CNTNAP5: variants seen among roughly 807,000 people sequenced by gnomAD.
CNTNAP5 encodes contactin-associated protein-like 5.
A neutral mutation model predicts 150.2 loss-of-function variants in CNTNAP5; 72 were observed. The observed-to-expected ratio is 0.48, with a 90% CI of 0.40 to 0.58. The LOEUF is 0.58. Ranked by LOEUF, CNTNAP5 falls within the 20% of genes least tolerant of loss-of-function variation. CNTNAP5 has a pLI of 0.00. For synonymous variants in CNTNAP5, 672 were observed against 619.8 expected, an observed-to-expected ratio of 1.08 and a Z score of -1.25; for missense variants, 1,636 against 1,626.2, an observed-to-expected ratio of 1.01 and a Z score of -0.10.
At chr2:124,163,471 AT>A (rs1300252841) in intron 1 of CNTNAP5, among the ~76,000 whole-genome samples, 23 of 152,282 alleles carry the variant, frequency 1.5e-4, no homozygotes, top group African/African-American at 5.3e-4. Context: ...GGAGTCAGGC[AT>A]GGGGGTGTGA....
chr2:124,572,036 A>G (rs1573467725), intron 11 of CNTNAP5, among the ~76,000 whole-genome samples: 1 of 152,200 alleles, frequency 6.6e-6, no homozygotes, highest in Non-Finnish European at 1.5e-5. Flanking sequence ...TGCTGATCCA[A>G]GAGAATTTGT....
chr2:124,783,288 A>G (rs1681492591), intron 17 of CNTNAP5, among the ~76,000 whole-genome samples: 1 of 152,170 alleles, frequency 6.6e-6, no homozygotes, highest in African/African-American at 2.4e-5. Context: ...AACAGCCTCA[A>G]TCATTGAAAT....
chr2:124,460,181 A>G (rs532043218), intron 6 of CNTNAP5, among the ~76,000 whole-genome samples: 1 of 152,358 alleles, frequency 6.6e-6, no homozygotes, highest in South Asian at 2.1e-4. Context: ...TAAACATTAA[A>G]GCACATATAG....
intron 1 of CNTNAP5, among the ~76,000 whole-genome samples, chr2:124,215,200 C>T (rs1218174751): frequency 6.6e-6 from 1 of 152,074 alleles, no homozygotes; most frequent in East Asian, 1.9e-4. Flanking sequence ...TTTTATCTCA[C>T]CTCTAAATAC....
At chr2:124,031,182 G>A (rs754902971) in intron 1 of CNTNAP5, among the ~76,000 whole-genome samples, 1 of 151,622 alleles carries the variant, frequency 6.6e-6, no homozygotes, top group Non-Finnish European at 1.5e-5. Flanking sequence ...TTTTTCTCAG[G>A]CATATCAAGT....
intron 10 of CNTNAP5, among the ~76,000 whole-genome samples, chr2:124,550,301 G>A (rs1433310874): frequency 6.6e-6 from 1 of 152,252 alleles, no homozygotes; most frequent in African/African-American, 2.4e-5. Flanking sequence ...CTACTGAAGT[G>A]CAGAACTTTG....
Position 124,766,824 on chromosome 2 carries a change from G to A in CNTNAP5, c.2533+2677G>A, listed in dbSNP as rs144746327. On this transcript the variant is annotated intron_variant, in intron 16 of 23. Transcript: ENST00000682447. ...AATGTCCAGTTTGTTTGCACTTTGT[G>A]GTACTGTATTTTAGAATTACATTTG... Among the ~76,000 whole-genome samples, 4 of 152,174 alleles carry A rather than the reference G, an allele frequency of 2.6e-5. No homozygotes were observed. The East Asian group carries it at 7.7e-4, about 29-fold the overall frequency.
chr2:124,279,663 C>T (rs1687966243), intron 3 of CNTNAP5, among the ~76,000 whole-genome samples: 1 of 152,128 alleles, frequency 6.6e-6, no homozygotes, highest in Admixed American at 6.6e-5. Flanking sequence ...GGGAATGATG[C>T]ATATTGACTC....
Position 124,557,528 on chromosome 2 carries a change from A to G in CNTNAP5, c.1650-5689A>G, listed in dbSNP as rs140294606. Among the ~76,000 whole-genome samples the G allele has an allele frequency of 2.5e-3, 381 of 152,314 alleles. 1 individual carries two copies. Among genetic ancestry groups the G allele is most frequent in the Non-Finnish European group, 4.6e-3 (311 of 68,036 alleles). On this transcript the variant is annotated intron_variant, in intron 10 of 23. Transcript: ENST00000682447. ...TCACTCAATCTACAACAATTTATAG[A>G]GTGCCTACCTTGCTTCCTACTTTGG...
chr2:124,777,896 G>A (rs1681361653), intron 17 of CNTNAP5, among the ~76,000 whole-genome samples: 1 of 151,726 alleles, frequency 6.6e-6, no homozygotes, highest in Non-Finnish European at 1.5e-5. Context: ...CAGAAAGAGA[G>A]GACCCGGGCT....
intron 13 of CNTNAP5, among the ~76,000 whole-genome samples, chr2:124,676,280 G>A (rs1228236888): frequency 6.6e-6 from 1 of 152,154 alleles, no homozygotes; most frequent in Non-Finnish European, 1.5e-5. Flanking sequence ...TAAGATTAGT[G>A]GGATGTAAGA....
chr2:124,722,797 C>T (rs1573573820), intron 13 of CNTNAP5, among the ~76,000 whole-genome samples: 1 of 152,290 alleles, frequency 6.6e-6, no homozygotes, highest in Middle Eastern at 3.4e-3. Context: ...TTTGAGTCAC[C>T]TTTGAGTCCT....
intron 1 of CNTNAP5, among the ~76,000 whole-genome samples, chr2:124,030,486 C>T (rs1236647296): frequency 1.3e-5 from 2 of 152,082 alleles, no homozygotes; most frequent in African/African-American, 4.8e-5. Context: ...ACACCAAACT[C>T]TTTGCAAGAT....
chr2:124,452,291 C>A (rs754036101), intron 6 of CNTNAP5, among the ~76,000 whole-genome samples: 2 of 151,990 alleles, frequency 1.3e-5, no homozygotes, highest in Non-Finnish European at 2.9e-5. Context: ...TCCCTGACAA[C>A]CTGCATGACA....
intron 3 of CNTNAP5, among the ~76,000 whole-genome samples, chr2:124,301,197 A>G (rs771450411): frequency 6.6e-6 from 1 of 152,208 alleles, no homozygotes; most frequent in Non-Finnish European, 1.5e-5. Context: ...TGCAATTGAT[A>G]GTCTCTGAAT....
At chr2:124,713,304 CTTT>C (rs1558746853) in intron 13 of CNTNAP5, among the ~76,000 whole-genome samples, 21 of 55,772 alleles carry the variant, frequency 3.8e-4, no homozygotes, top group Admixed American at 1.1e-3. Context: ...TTTCTTTCTT[CTTT>C]CTCTTTCTTT....
At chr2:124,350,048 C>T (rs1438117657) in intron 3 of CNTNAP5, among the ~76,000 whole-genome samples, 1 of 151,894 alleles carries the variant, frequency 6.6e-6, no homozygotes, top group Non-Finnish European at 1.5e-5. Flanking sequence ...CCATGCCCAG[C>T]TAATTTTTGT....
intron 3 of CNTNAP5, among the ~76,000 whole-genome samples, chr2:124,250,445 G>T (rs1351261490): frequency 6.6e-6 from 1 of 151,944 alleles, no homozygotes; most frequent in Non-Finnish European, 1.5e-5. Context: ...TGGGGGAGAG[G>T]CCCAGAGGAC....
At chr2:124,228,470 C>G (rs57653788) in intron 2 of CNTNAP5, among the ~76,000 whole-genome samples, 4 of 152,126 alleles carry the variant, frequency 2.6e-5, no homozygotes, top group Non-Finnish European at 4.4e-5. Flanking sequence ...CAATGTCTTA[C>G]AGGGTTATAA....
Sources: allele counts gnomAD v4.1 joint callset (sites outside exome capture counted in the v4.1 genomes callset), GRCh38; gene constraint gnomAD v4.1.1; transcripts MANE v1.5; gene names NCBI Gene and HGNC (gene_info 2026-07-23, HGNC 2026-07-21).